Variants in PAM observed in about 807,000 individuals in gnomAD.
The protein encoded by PAM is peptidyl-glycine alpha-amidating monooxygenase.
Under a neutral mutation model 122.1 loss-of-function variants are expected in PAM, and 72 were observed. The ratio of observed to expected loss-of-function variants is 0.59; its 90% CI spans 0.49 to 0.72. The LOEUF is 0.72. Ranked by LOEUF, PAM falls within the 30% of genes least tolerant of loss-of-function variation. The pLI is 0.00. For synonymous variants in PAM, 389 were observed against 404.4 expected, an observed-to-expected ratio of 0.96 and a Z score of 0.46; for missense variants, 1,106 against 1,183.7, an observed-to-expected ratio of 0.93 and a Z score of 0.96.
intron 1 of PAM, among the ~76,000 whole-genome samples, chr5:102,846,801 C>T (rs1262170278): frequency 6.6e-6 from 1 of 152,164 alleles, no homozygotes; most frequent in Non-Finnish European, 1.5e-5. Flanking sequence ...GTTCTGGCTT[C>T]TCAGTTCTTC....
At chr5:102,961,084 C>T in intron 13 of PAM, 74 bp from the exon 14 acceptor site, 2 of 757,122 alleles carry the variant, frequency 2.6e-6, no homozygotes, top group South Asian at 3.0e-5. Context: ...TGTTGATGGA[C>T]TATTTCCAAT....
chr5:102,992,826 GT>G (rs1279674561), intron 16 of PAM, among the ~76,000 whole-genome samples: 29 of 151,998 alleles, frequency 1.9e-4, no homozygotes, highest in African/African-American at 6.5e-4. Flanking sequence ...AGAATTGTAG[GT>G]TCTATAAGAC....
chr5:102,832,152 T>G (rs1775663230), intron 1 of PAM, among the ~76,000 whole-genome samples: 1 of 152,154 alleles, frequency 6.6e-6, no homozygotes, highest in Admixed American at 6.6e-5. Context: ...GGCATTTGAG[T>G]CCTACTTTGT....
At chr5:102,977,928 G>A (rs554732180) in intron 15 of PAM, among the ~76,000 whole-genome samples, 3 of 151,996 alleles carry the variant, frequency 2.0e-5, no homozygotes, top group Admixed American at 6.6e-5. Context: ...TATACTCCTC[G>A]CAGAGTTCAA....
chr5:102,926,250 G>A lies in PAM; in HGVS notation c.443-335G>A, dbSNP rs147915264. On this transcript the variant is annotated intron_variant, in intron 6 of 25. Coordinates refer to ENST00000438793, the MANE Select transcript of PAM (RefSeq NM_001177306.2). ...GCTGGGACTACAGGCGCCCGCCACC[G>A]CGCCCGGCTAATGTATGTCTTTTAA... Among the ~76,000 whole-genome samples the A allele has an allele frequency of 8.7e-4, 132 of 152,236 alleles. 1 individual carries two copies. In the East Asian group the frequency reaches 0.018, roughly 21 times the overall value.
chr5:102,839,021 T>G (rs1051330277), intron 1 of PAM, among the ~76,000 whole-genome samples: 12 of 152,252 alleles, frequency 7.9e-5, no homozygotes, highest in Non-Finnish European at 1.6e-4. Flanking sequence ...ACTTTTTTAT[T>G]GGGAGATATA....
intron 3 of PAM, among the ~76,000 whole-genome samples, chr5:102,889,145 C>T (rs1171444195): frequency 2.0e-5 from 3 of 152,004 alleles, no homozygotes; most frequent in East Asian, 1.9e-4. Context: ...TCCTTCCCAC[C>T]CTTCTTCAGC....
intron 15 of PAM, among the ~76,000 whole-genome samples, chr5:102,977,180 G>A (rs1394789580): frequency 6.6e-6 from 1 of 152,084 alleles, no homozygotes; most frequent in Non-Finnish European, 1.5e-5. Flanking sequence ...TATATGGTAG[G>A]CCTAGGAACA....
chr5:102,936,439 C>T (rs945624016), intron 7 of PAM, among the ~76,000 whole-genome samples: 1 of 152,074 alleles, frequency 6.6e-6, no homozygotes, highest in South Asian at 2.1e-4. Context: ...TTACTGACAT[C>T]CTTAATGTGC....
At chr5:102,891,640 A>G (rs1794821723) in intron 3 of PAM, among the ~76,000 whole-genome samples, 1 of 151,898 alleles carries the variant, frequency 6.6e-6, no homozygotes, top group Non-Finnish European at 1.5e-5. Flanking sequence ...ATATTAACTT[A>G]GAATTGAATT....
At chr5:102,833,224 G>A (rs1418198518) in intron 1 of PAM, among the ~76,000 whole-genome samples, 4 of 152,122 alleles carry the variant, frequency 2.6e-5, no homozygotes, top group Non-Finnish European at 5.9e-5. Context: ...CCTTCTATTG[G>A]TTGGGGAAAT....
chr5:102,755,762 C>G (rs1213581993), intron 1 of PAM, among the ~76,000 whole-genome samples: 1 of 151,942 alleles, frequency 6.6e-6, no homozygotes, highest in African/African-American at 2.4e-5. Flanking sequence ...GCCTAGAAAG[C>G]CTCCTCGGTT....
At position 102,901,394 on chromosome 5, in the gene PAM, G is replaced by A; in HGVS notation, c.249G>A (p.Val83=). Residue 83 remains valine (V), a synonymous_variant, in exon 4 of 26, where the codon GTG becomes GTA. Transcript: ENST00000438793. ...TYFCMSMRIP[V]DEEAFVIDFK... is the part of the protein sequence containing the mutation. The stretch of plus-strand genomic sequence containing the variant: ...TCTGCATGTCTATGCGAATACCAGT[G>A]GATGAGGAAGCCTTCGTGAGTAAGT... 1 of 1,585,930 alleles carries A rather than the reference G, an allele frequency of 6.3e-7. No individual in the cohort carries two copies. Among genetic ancestry groups the A allele is most frequent in the Non-Finnish European group, 8.7e-7 (1 of 1,155,834 alleles).
At chr5:102,829,704 T>G (rs917662353) in intron 1 of PAM, among the ~76,000 whole-genome samples, 4 of 152,192 alleles carry the variant, frequency 2.6e-5, no homozygotes, top group African/African-American at 9.6e-5. Flanking sequence ...GTTAGAAAAT[T>G]GTATTTGTGA....
At chr5:102,892,039 G>A (rs1287955211) in intron 3 of PAM, among the ~76,000 whole-genome samples, 1 of 151,756 alleles carries the variant, frequency 6.6e-6, no homozygotes, top group African/African-American at 2.4e-5. Flanking sequence ...CCTAATGATT[G>A]CTTTAGAGAT....
chr5:102,809,352 C>CA (rs11302898), intron 1 of PAM, among the ~76,000 whole-genome samples: 1,608 of 126,098 alleles, frequency 0.013, 12 homozygotes, highest in Non-Finnish European at 0.016. Flanking sequence ...CTGTCTCTAC[C>CA]AAAAAAAAAA....
intron 1 of PAM, among the ~76,000 whole-genome samples, chr5:102,807,227 A>G (rs1766480256): frequency 6.6e-6 from 1 of 152,222 alleles, no homozygotes; most frequent in South Asian, 2.1e-4. Context: ...GATAAATTAT[A>G]TACTTATTAA....
At chr5:102,849,555 CAAAA>C (rs538988180) in intron 1 of PAM, among the ~76,000 whole-genome samples, 2 of 73,486 alleles carry the variant, frequency 2.7e-5, no homozygotes, top group African/African-American at 4.1e-5. Flanking sequence ...AAGACTGTCT[CAAAA>C]AAAAAAAAAA....
upstream of PAM, chr5:102,755,091 G>C (rs947833961): frequency 4.6e-5 from 7 of 152,482 alleles, no homozygotes; most frequent in Non-Finnish European, 7.3e-5. Flanking sequence ...GGCCGCCGGC[G>C]TGGAGGAGGC....
Sources: gnomAD v4.1 joint callset for allele counts (sites outside exome capture counted in the v4.1 genomes callset) on GRCh38, gnomAD v4.1.1 for gene constraint, MANE v1.5 for transcripts, NCBI Gene and HGNC (gene_info 2026-07-23, HGNC 2026-07-21) for gene names.